Variants in MAGI2 observed in about 807,000 individuals in gnomAD.
MAGI2 encodes the protein membrane-associated guanylate kinase, WW and PDZ domain-containing protein 2.
In MAGI2, 35 loss-of-function variants were observed where a neutral mutation model predicts 133.3. The ratio of observed to expected loss-of-function variants is 0.26; its 90% CI spans 0.20 to 0.35. MAGI2 has a LOEUF of 0.35. Ranked by LOEUF, MAGI2 falls within the 10% of genes least tolerant of loss-of-function variation. The pLI is 1.00. For missense variants in MAGI2, 1,636 were observed against 1,863.4 expected (o/e 0.88, Z 2.25); for synonymous variants, 729 against 710.6 (o/e 1.03, Z -0.41).
chr7:78,975,410 C>A (rs1804159598), intron 2 of MAGI2, among the ~76,000 whole-genome samples: 1 of 151,586 alleles, frequency 6.6e-6, no homozygotes, highest in Non-Finnish European at 1.5e-5. Flanking sequence ...CTGAACAACA[C>A]ACTGCTACAT....
At chr7:78,675,939 C>T (rs1814975206) in intron 2 of MAGI2, among the ~76,000 whole-genome samples, 1 of 152,120 alleles carries the variant, frequency 6.6e-6, no homozygotes, top group Non-Finnish European at 1.5e-5. Flanking sequence ...GATTATTTTA[C>T]AGACCACATT....
At chr7:78,394,347 C>T (rs1378739785) in intron 6 of MAGI2, among the ~76,000 whole-genome samples, 1 of 152,150 alleles carries the variant, frequency 6.6e-6, no homozygotes, top group Non-Finnish European at 1.5e-5. Context: ...TGGTGCTTTC[C>T]CCTTTGCTCT....
intron 1 of MAGI2, among the ~76,000 whole-genome samples, chr7:79,214,546 G>A (rs1829840216): frequency 7.2e-6 from 1 of 139,834 alleles, no homozygotes; most frequent in African/African-American, 2.6e-5. Context: ...GAGGAAACAT[G>A]GGAATTTAAA....
intron 6 of MAGI2, among the ~76,000 whole-genome samples, chr7:78,400,436 GTTAT>G (rs1796754583): frequency 6.6e-6 from 1 of 151,758 alleles, no homozygotes; most frequent in Non-Finnish European, 1.5e-5. Context: ...ACTAAAATTA[GTTAT>G]TTAGTGTACA....
intron 1 of MAGI2, among the ~76,000 whole-genome samples, chr7:79,076,638 G>C (rs1310234667): frequency 2.0e-5 from 3 of 152,052 alleles, no homozygotes; most frequent in Admixed American, 1.3e-4. Context: ...CTGTATGAGA[G>C]GAAATAATTT....
At chr7:78,528,620 A>G (rs1430384400) in intron 3 of MAGI2, among the ~76,000 whole-genome samples, 1 of 152,200 alleles carries the variant, frequency 6.6e-6, no homozygotes, top group Non-Finnish European at 1.5e-5. Flanking sequence ...TTCTACCAGA[A>G]AATAAGACAG....
intron 21 of MAGI2, among the ~76,000 whole-genome samples, chr7:78,060,368 T>C (rs1813115853): frequency 6.9e-6 from 1 of 144,394 alleles, no homozygotes; most frequent in Non-Finnish European, 1.6e-5. Context: ...GATGACCTCG[T>C]TCTGACAAAC....
At chr7:79,283,905 T>C (rs1347512316) in intron 1 of MAGI2, among the ~76,000 whole-genome samples, 1 of 152,096 alleles carries the variant, frequency 6.6e-6, no homozygotes, top group African/African-American at 2.4e-5. Flanking sequence ...TAATACCATA[T>C]TTTTACTGTA....
chr7:78,701,236 T>C (rs1254115352), intron 2 of MAGI2, among the ~76,000 whole-genome samples: 2 of 151,958 alleles, frequency 1.3e-5, no homozygotes, highest in Admixed American at 1.3e-4. Flanking sequence ...GTATGTTCAC[T>C]ATATAAACAT....
intron 2 of MAGI2, among the ~76,000 whole-genome samples, chr7:78,657,941 C>T (rs570991706): frequency 6.6e-6 from 1 of 152,214 alleles, no homozygotes; most frequent in Admixed American, 6.5e-5. Flanking sequence ...TTCTGCTCAA[C>T]TTCACTGTGA....
chr7:79,425,231 G>A (rs4621743), intron 1 of MAGI2, among the ~76,000 whole-genome samples: 36,805 of 149,602 alleles, frequency 0.25, 6,570 homozygotes, highest in African/African-American at 0.51. Context: ...CAGCCTGGGC[G>A]ACAGAGCGAG....
rs1195474636 is a variant in MAGI2 at position 78,346,049 on chromosome 7, A to G, written c.1104-6T>C. 4 of 1,613,886 alleles carry G rather than the reference A, an allele frequency of 2.5e-6. No homozygotes were observed. Among genetic ancestry groups the G allele is most frequent in the Non-Finnish European group, 3.4e-6 (4 of 1,179,966 alleles). On this transcript the variant is annotated splice_polypyrimidine_tract_variant and splice_region_variant and intron_variant, in intron 7 of 21. Transcript: ENST00000354212. ...GTGTTCTTCTATTTATGTGGCTAAA[A>G]AAGAAAATTTCAGATTAGGATAACC...
chr7:78,161,099 T>G (rs1243148866), intron 15 of MAGI2, among the ~76,000 whole-genome samples: 1 of 152,204 alleles, frequency 6.6e-6, no homozygotes, highest in Non-Finnish European at 1.5e-5. Flanking sequence ...TTTGAACCTC[T>G]AAGGAGCTGT....
intron 1 of MAGI2, among the ~76,000 whole-genome samples, chr7:79,348,385 G>A (rs1419832177): frequency 6.6e-6 from 1 of 151,780 alleles, no homozygotes; most frequent in African/African-American, 2.4e-5. Flanking sequence ...GTGTATATAA[G>A]CTCTGACATT....
At chr7:78,044,697 G>GTGTGTA (rs1554419070) in intron 21 of MAGI2, among the ~76,000 whole-genome samples, 6 of 112,330 alleles carry the variant, frequency 5.3e-5, no homozygotes, top group Non-Finnish European at 1.1e-4. Context: ...GTGTGTGTGT[G>GTGTGTA]TGTGTGTGCA....
intron 10 of MAGI2, among the ~76,000 whole-genome samples, chr7:78,220,245 G>T (rs774654511): frequency 2.6e-5 from 4 of 152,132 alleles, no homozygotes; most frequent in Non-Finnish European, 5.9e-5. Context: ...CTGGCACGAA[G>T]TTACCTCTTT....
chr7:78,064,845 C>T (rs1046283800), intron 21 of MAGI2, among the ~76,000 whole-genome samples: 3 of 152,110 alleles, frequency 2.0e-5, no homozygotes, highest in Admixed American at 1.3e-4. Flanking sequence ...CATCTACATT[C>T]TGATTTTTTA....
intron 9 of MAGI2, among the ~76,000 whole-genome samples, chr7:78,292,063 G>C (rs1796768666): frequency 6.6e-6 from 1 of 152,260 alleles, no homozygotes; most frequent in Admixed American, 6.5e-5. Context: ...ATTCAACATA[G>C]TATTGGAAGT....
intron 2 of MAGI2, among the ~76,000 whole-genome samples, chr7:78,919,345 C>T (rs998608038): frequency 5.3e-5 from 8 of 151,944 alleles, no homozygotes; most frequent in African/African-American, 1.7e-4. Flanking sequence ...TAGAGGCTTG[C>T]CTATCAGTAC....
Sources: gnomAD v4.1 joint callset for allele counts (sites outside exome capture counted in the v4.1 genomes callset) on GRCh38, gnomAD v4.1.1 for gene constraint, MANE v1.5 for transcripts, NCBI Gene and HGNC (gene_info 2026-07-23, HGNC 2026-07-21) for gene names.